CSGALNACT1: variants seen among roughly 807,000 people sequenced by gnomAD.
CSGALNACT1 encodes the protein beta4GalNAcT-1.
Under a neutral mutation model 51.0 loss-of-function variants are expected in CSGALNACT1, and 52 were observed. The ratio of observed to expected loss-of-function variants is 1.02; its 90% CI spans 0.82 to 1.29. CSGALNACT1 has a LOEUF of 1.29. Among genes scored for constraint, CSGALNACT1 ranks in the 50% most tolerant of loss-of-function variants. The pLI is 0.00. For missense variants in CSGALNACT1, 935 were observed against 679.2 expected (o/e 1.38, Z -4.19); for synonymous variants, 341 against 254.4 (o/e 1.34, Z -3.24).
At position 19,729,611 on chromosome 8, in the gene CSGALNACT1, G is replaced by A. The variant is rs76177818; in HGVS notation, c.-297+28239C>T. 4.4e-3 allele frequency among the ~76,000 whole-genome samples: 669 copies of A among 152,300 alleles called. 4 individuals carry two copies. Among genetic ancestry groups the A allele is most frequent in the African/African-American group, 0.015 (640 of 41,574 alleles). On this transcript the variant is annotated intron_variant, in intron 1 of 1. Coordinates refer to the CSGALNACT1 transcript ENST00000517494. Reference sequence around the variant, plus strand: ...TTAGAGAGCCTAGGACCTCACCAAGGCCAATTGAAAGGCTTTAATTCATTT... The same window carrying A: ...TTAGAGAGCCTAGGACCTCACCAAGACCAATTGAAAGGCTTTAATTCATTT...
At chr8:19,622,422 A>C (rs2053932968) in intron 1 of CSGALNACT1, among the ~76,000 whole-genome samples, 1 of 152,250 alleles carries the variant, frequency 6.6e-6, no homozygotes, top group Non-Finnish European at 1.5e-5. Context: ...GAATTTTACA[A>C]GCCAGTTGTT....
intron 5 of CSGALNACT1, among the ~76,000 whole-genome samples, chr8:19,454,927 C>T (rs904670159): frequency 5.9e-5 from 9 of 152,116 alleles, no homozygotes; most frequent in East Asian, 1.9e-4. Flanking sequence ...ATTATACTTC[C>T]GGTTTTTTTC....
At chr8:19,637,566 T>G (rs2056237767) in intron 1 of CSGALNACT1, among the ~76,000 whole-genome samples, 1 of 152,216 alleles carries the variant, frequency 6.6e-6, no homozygotes, top group African/African-American at 2.4e-5. Flanking sequence ...TGTGGTCACA[T>G]GCATACAAGG....
At chr8:19,505,476 A>G (rs1484618641) in exon 4 of CSGALNACT1, 1 of 1,614,048 alleles carries the variant, frequency 6.2e-7, no homozygotes, top group Non-Finnish European at 8.5e-7. Flanking sequence ...GAAGGCCAGG[A>G]GGTCGGCCTG....
chr8:19,526,097 A>G (rs2154042515), intron 3 of CSGALNACT1, among the ~76,000 whole-genome samples: 1 of 152,354 alleles, frequency 6.6e-6, no homozygotes, highest in East Asian at 1.9e-4. Flanking sequence ...GCCCAGCTCC[A>G]CAAGGCCCAA....
intron 1 of CSGALNACT1, among the ~76,000 whole-genome samples, chr8:19,624,449 T>C (rs2054199832): frequency 6.6e-6 from 1 of 152,184 alleles, no homozygotes; most frequent in African/African-American, 2.4e-5. Flanking sequence ...AAGATAATAT[T>C]CAAAAGATAA....
At chr8:19,687,863 T>A (rs765473361) in intron 1 of CSGALNACT1, among the ~76,000 whole-genome samples, 12 of 152,188 alleles carry the variant, frequency 7.9e-5, no homozygotes, top group Non-Finnish European at 1.8e-4. Flanking sequence ...AGTCAGTAAA[T>A]GGAAAAGTGA....
intron 4 of CSGALNACT1, among the ~76,000 whole-genome samples, chr8:19,466,682 T>A (rs1315425174): frequency 6.6e-6 from 1 of 152,158 alleles, no homozygotes; most frequent in Non-Finnish European, 1.5e-5. Flanking sequence ...AGAGATGTCC[T>A]AAGACTGCTA....
intron 3 of CSGALNACT1, among the ~76,000 whole-genome samples, chr8:19,518,306 G>C (rs1466484521): frequency 2.0e-5 from 3 of 152,150 alleles, no homozygotes; most frequent in Admixed American, 2.0e-4. Flanking sequence ...AGTTTGCATG[G>C]ATGATTAACA....
At chr8:19,612,906 C>T (rs967459857) in intron 1 of CSGALNACT1, among the ~76,000 whole-genome samples, 1 of 129,260 alleles carries the variant, frequency 7.7e-6, no homozygotes, top group African/African-American at 2.9e-5. Context: ...ACCCGTAAAA[C>T]CTTCTCCTTT....
intron 1 of CSGALNACT1, among the ~76,000 whole-genome samples, chr8:19,696,946 C>T (rs767199843): frequency 5.3e-5 from 8 of 152,058 alleles, no homozygotes; most frequent in Non-Finnish European, 1.2e-4. Flanking sequence ...GAAAAGCAAC[C>T]CCACGTGATT....
At chr8:19,710,785 G>A (rs2062458685) in intron 1 of CSGALNACT1, among the ~76,000 whole-genome samples, 1 of 152,292 alleles carries the variant, frequency 6.6e-6, no homozygotes, top group African/African-American at 2.4e-5. Context: ...CAATGCTCCT[G>A]AAATCATCAT....
At chr8:19,634,987 T>A (rs778130208) in intron 1 of CSGALNACT1, among the ~76,000 whole-genome samples, 1 of 152,236 alleles carries the variant, frequency 6.6e-6, no homozygotes, top group Non-Finnish European at 1.5e-5. Context: ...CTCTGTCATA[T>A]CGATTTTGGA....
At chr8:19,426,463 G>A (rs1231649703) in intron 6 of CSGALNACT1, among the ~76,000 whole-genome samples, 4 of 152,198 alleles carry the variant, frequency 2.6e-5, no homozygotes, top group African/African-American at 4.8e-5. Flanking sequence ...ACAATGTTTA[G>A]TGTTACCCTA....
At position 19,419,791 on chromosome 8, in the gene CSGALNACT1, C is replaced by T. The variant is rs370466150; in HGVS notation, c.1132+549G>A. On this transcript the variant is annotated intron_variant, in intron 7 of 9. Transcript: ENST00000454498. Reference sequence around the variant, plus strand: ...AGAGTCCCAGAATTATGGTGGCTGACAGGCCCATGATGTGGCCTCAAAGGA... The same window carrying T: ...AGAGTCCCAGAATTATGGTGGCTGATAGGCCCATGATGTGGCCTCAAAGGA... Among the ~76,000 whole-genome samples, 5 of 152,290 alleles carry T rather than the reference C, an allele frequency of 3.3e-5. No homozygotes were observed. In the East Asian group the frequency reaches 7.7e-4, roughly 24 times the overall value.
chr8:19,456,355 A>G (rs747230240), intron 5 of CSGALNACT1, among the ~76,000 whole-genome samples: 8 of 152,344 alleles, frequency 5.3e-5, no homozygotes, highest in Middle Eastern at 6.8e-3. Flanking sequence ...TCAGAGAATC[A>G]AAGCTCAGGA....
chr8:19,412,302 C>A (rs998434299), intron 8 of CSGALNACT1, among the ~76,000 whole-genome samples: 1 of 152,230 alleles, frequency 6.6e-6, no homozygotes, highest in African/African-American at 2.4e-5. Context: ...TCCAGAGCCA[C>A]AGCTCTGTGG....
intron 1 of CSGALNACT1, among the ~76,000 whole-genome samples, chr8:19,661,589 T>A (rs184193049): frequency 3.3e-5 from 5 of 152,298 alleles, no homozygotes; most frequent in Admixed American, 6.5e-5. Flanking sequence ...GTAATACAAG[T>A]GACTTGTGGC....
intron 3 of CSGALNACT1, among the ~76,000 whole-genome samples, chr8:19,536,777 G>C (rs541009710): frequency 2.0e-5 from 3 of 152,336 alleles, no homozygotes; most frequent in South Asian, 2.1e-4. Context: ...AGCTACAGCA[G>C]TTGAGACTGG....
Sources: gnomAD v4.1 joint callset for allele counts (sites outside exome capture counted in the v4.1 genomes callset) on GRCh38, gnomAD v4.1.1 for gene constraint, MANE v1.5 for transcripts, NCBI Gene and HGNC (gene_info 2026-07-23, HGNC 2026-07-21) for gene names.